Variants in GPHN observed in about 807,000 individuals in gnomAD.
GPHN encodes gephyrin.
In GPHN, 17 loss-of-function variants were observed where a neutral mutation model predicts 95.5. That is an observed-to-expected ratio of 0.18 (90% CI 0.12 to 0.27). GPHN has a LOEUF of 0.27. Ranked by LOEUF, GPHN falls within the 10% of genes least tolerant of loss-of-function variation. GPHN has a pLI of 1.00. For synonymous variants in GPHN, 320 were observed against 322.5 expected, an observed-to-expected ratio of 0.99 and a Z score of 0.08; for missense variants, 660 against 978.1, an observed-to-expected ratio of 0.67 and a Z score of 4.34.
intron 2 of GPHN, among the ~76,000 whole-genome samples, chr14:66,699,228 A>G (rs1008830095): frequency 1.3e-5 from 2 of 152,166 alleles, no homozygotes; most frequent in African/African-American, 4.8e-5. Flanking sequence ...AAGGGATAGC[A>G]TTAGGAGATA....
At chr14:67,690,583 G>T in the GPHN span, 1 of 629,492 alleles carries the variant, frequency 1.6e-6, no homozygotes, top group Non-Finnish European at 2.8e-6. Flanking sequence ...AAGGTTTAGG[G>T]AAATAACAAC....
chr14:67,047,334 T>TGTGTG (rs2075075353), intron 10 of GPHN, among the ~76,000 whole-genome samples: 13 of 109,702 alleles, frequency 1.2e-4, no homozygotes, highest in African/African-American at 4.9e-4. Flanking sequence ...GTGTGTGTGT[T>TGTGTG]TGTGTGTGTG....
At chr14:67,022,568 G>GGTGT (rs72312422) in intron 9 of GPHN, among the ~76,000 whole-genome samples, 678 of 20,736 alleles carry the variant, frequency 0.033, 16 homozygotes, top group Middle Eastern at 0.062. Context: ...TTTTTTTTTT[G>GGTGT]GTGTGTGTGT....
At chr14:67,618,552 TA>T in the GPHN span, among the ~76,000 whole-genome samples, 1,275 of 151,418 alleles carry the variant, frequency 8.4e-3, 40 homozygotes, top group East Asian at 0.081. Context: ...TTTTTTTTTT[TA>T]AATTTCTGGT....
At chr14:66,987,437 T>G (rs2071101842) in intron 9 of GPHN, among the ~76,000 whole-genome samples, 1 of 152,122 alleles carries the variant, frequency 6.6e-6, no homozygotes, top group Admixed American at 6.6e-5. Context: ...GAACTTCAAG[T>G]TATAAATGTA....
chr14:67,348,953 T>A, the GPHN span: 1 of 1,297,696 alleles, frequency 7.7e-7, no homozygotes, highest in Non-Finnish European at 1.1e-6. Flanking sequence ...AACTAGGACA[T>A]TAAGATCTTG....
At chr14:66,846,195 T>C (rs1439064673) in intron 4 of GPHN, among the ~76,000 whole-genome samples, 1 of 152,166 alleles carries the variant, frequency 6.6e-6, no homozygotes, top group African/African-American at 2.4e-5. Flanking sequence ...CCCTTCTCAA[T>C]TGAGGTTCCC....
At chr14:67,566,752 A>C in the GPHN span, among the ~76,000 whole-genome samples, 1 of 114,536 alleles carries the variant, frequency 8.7e-6, no homozygotes, top group East Asian at 3.7e-4. Context: ...CTGTCTTGAA[A>C]AAAAAAAAAA....
At chr14:67,689,471 C>A in the GPHN span, among the ~76,000 whole-genome samples, 1 of 152,210 alleles carries the variant, frequency 6.6e-6, no homozygotes. Context: ...GAGACCCTGC[C>A]CCTCCATATT....
intron 9 of GPHN, among the ~76,000 whole-genome samples, chr14:66,973,965 A>G (rs2070012337): frequency 6.6e-6 from 1 of 152,196 alleles, no homozygotes; most frequent in Non-Finnish European, 1.5e-5. Context: ...CTCTATATCA[A>G]TACTCAGCTA....
chr14:67,439,104 A>T, the GPHN span, among the ~76,000 whole-genome samples: 1 of 152,144 alleles, frequency 6.6e-6, no homozygotes, highest in Admixed American at 6.5e-5. Context: ...GCCTCTGCAG[A>T]GCTAGGAAAG....
intron 5 of GPHN, among the ~76,000 whole-genome samples, chr14:66,893,205 G>C (rs574145924): frequency 3.7e-4 from 56 of 152,234 alleles, no homozygotes; most frequent in African/African-American, 1.3e-3. Flanking sequence ...GGAACTCTGG[G>C]CAATAGGAAC....
chr14:67,269,416 A>C, the GPHN span, among the ~76,000 whole-genome samples: 1 of 152,044 alleles, frequency 6.6e-6, no homozygotes, highest in South Asian at 2.1e-4. Context: ...TGGTAACCCT[A>C]TGTTTAGCCT....
In GPHN at chr14:66,852,479, T is replaced by C. The variant is rs2062629207; in HGVS notation, c.295-27460T>C. On this transcript the variant is annotated intron_variant, in intron 4 of 22. Transcript: ENST00000478722. ...GAAAGGAAAGGGGGAGTTAAAATAT[T>C]GCATATGGATGAATAAGAAGAAAAG... Among the ~76,000 whole-genome samples the C allele has an allele frequency of 1.3e-5, 2 of 152,202 alleles. 1 individual carries two copies. Among genetic ancestry groups the C allele is most frequent in the Middle Eastern group, 6.3e-3 (2 of 316 alleles).
chr14:67,646,829 G>T, the GPHN span: 5 of 1,408,004 alleles, frequency 3.6e-6, no homozygotes, highest in East Asian at 2.3e-5. Context: ...TCTATTGCAG[G>T]TCACTACAAC....
intron 10 of GPHN, among the ~76,000 whole-genome samples, chr14:67,035,537 A>AAG (rs111576469): frequency 0.019 from 2,822 of 151,934 alleles, 38 homozygotes; most frequent in African/African-American, 0.026. Flanking sequence ...TCAGAAATAA[A>AAG]AGGAGACATT....
At chr14:67,064,562 C>T (rs1263448790) in intron 11 of GPHN, among the ~76,000 whole-genome samples, 3 of 152,128 alleles carry the variant, frequency 2.0e-5, no homozygotes, top group Non-Finnish European at 2.9e-5. Context: ...CCATCTGGTC[C>T]TGGACTTTTT....
chr14:67,469,567 T>C, the GPHN span, among the ~76,000 whole-genome samples: 1 of 149,766 alleles, frequency 6.7e-6, no homozygotes, highest in Non-Finnish European at 1.5e-5. Flanking sequence ...TTTACAGGTG[T>C]GAGCCACCAT....
At chr14:66,831,640 A>ACTTAAGGC (rs1456422490) in intron 4 of GPHN, among the ~76,000 whole-genome samples, 2 of 152,276 alleles carry the variant, frequency 1.3e-5, no homozygotes, top group Non-Finnish European at 2.9e-5. Flanking sequence ...TAACTATGAA[A>ACTTAAGGC]CTTAAGGCAA....
Sources: gnomAD v4.1 joint callset for allele counts (sites outside exome capture counted in the v4.1 genomes callset) on GRCh38, gnomAD v4.1.1 for gene constraint, MANE v1.5 for transcripts, NCBI Gene and HGNC (gene_info 2026-07-23, HGNC 2026-07-21) for gene names.